Variants in ANKRD6 observed in about 807,000 individuals in gnomAD.
ANKRD6 encodes ankyrin repeat domain 6, also known as ankyrin repeat domain-containing protein 6.
A neutral mutation model predicts 82.3 loss-of-function variants in ANKRD6; 56 were observed. The ratio of observed to expected loss-of-function variants is 0.68; its 90% CI spans 0.55 to 0.85. The LOEUF is 0.85. ANKRD6 is among the 40% of genes least tolerant of loss of function. ANKRD6 has a pLI of 0.00. For synonymous variants in ANKRD6, 347 were observed against 352.1 expected (o/e 0.99, Z 0.16); for missense variants, 852 against 907.6 (o/e 0.94, Z 0.79).
At chr6:89,622,106 T>G (rs1803599525) in intron 10 of ANKRD6, 80 bp downstream of exon 10, 3 of 1,342,644 alleles carry the variant, frequency 2.2e-6, no homozygotes, top group South Asian at 2.7e-5. Flanking sequence ...TCGGCCAGGT[T>G]CACCTGGTGG....
chr6:89,624,608 G>A lies in ANKRD6; in HGVS notation c.1288G>A (p.Glu430Lys), dbSNP rs1307972535. 1 of 1,571,018 alleles carries A rather than the reference G, an allele frequency of 6.4e-7. No homozygotes were observed. The highest frequency in any genetic ancestry group is 1.2e-5 in the South Asian group (1 of 85,186). Residue 430 changes from glutamate (E) to lysine (K), a missense_variant, in exon 13 of 16, where the codon GAG becomes AAG. By Grantham distance (56) the Glu-to-Lys change is moderately conservative. Coordinates refer to ENST00000339746, the MANE Select transcript of ANKRD6 (RefSeq NM_001242809.2). ...GGAGAATCAGTTGGAGGCTACTGTG[G>A]AGGAGATAAAAGCAGAGCTGGGATC... ...KLENQLEATV[E>K]EIKAELGSVQ... is the part of the protein sequence containing the mutation.
At chr6:89,506,426 T>A (rs34238758) in intron 1 of ANKRD6, among the ~76,000 whole-genome samples, 2 of 152,206 alleles carry the variant, frequency 1.3e-5, no homozygotes. Context: ...GCTATTCTTC[T>A]GCTTCAGCCT....
intron 10 of ANKRD6, 21 bp downstream of exon 10, chr6:89,622,047 C>T (rs773864124): frequency 6.4e-5 from 103 of 1,605,132 alleles, no homozygotes; most frequent in Non-Finnish European, 8.0e-5. Context: ...GTCCTCCCGC[C>T]GTCCCCACAT....
intron 1 of ANKRD6, among the ~76,000 whole-genome samples, chr6:89,519,470 C>T (rs1289266457): frequency 1.3e-5 from 2 of 152,166 alleles, no homozygotes; most frequent in Admixed American, 6.5e-5. Context: ...ATTTCAAGAT[C>T]GATTCCAAGT....
rs145373427 is a variant in ANKRD6 at position 89,544,531 on chromosome 6, G to A, written c.-143-22303G>A. On this transcript the variant is annotated intron_variant, in intron 1 of 15. Transcript: ENST00000339746. ...AGATCGAGACCATCCTGGCTAGCAC[G>A]GTGAAACCCCATCGCTACTAATAAT... Among the ~76,000 whole-genome samples the A allele has an allele frequency of 6.2e-3, 939 of 152,122 alleles. 7 individuals are homozygous for A. The highest frequency in any genetic ancestry group is 6.4e-3 in the Non-Finnish European group (436 of 67,992).
intron 3 of ANKRD6, among the ~76,000 whole-genome samples, chr6:89,599,938 G>T (rs1438819100): frequency 6.6e-6 from 1 of 152,078 alleles, no homozygotes; most frequent in Non-Finnish European, 1.5e-5. Context: ...TCTCGGTGAG[G>T]TCTCTGTCTG....
Position 89,623,797 on chromosome 6 carries a change from C to T in ANKRD6, c.1033-75C>T, listed in dbSNP as rs565295659. On this transcript the variant is annotated intron_variant, in intron 11 of 15. Transcript: ENST00000339746. ...GGGGCTCTTTGCCCAAATGGGGTGA[C>T]ATGGGCGCCACCGACTGGTGTCAGT... 3 of 1,474,998 alleles carry T rather than the reference C, an allele frequency of 2.0e-6. No homozygotes were observed. The African/African-American group carries it at 4.2e-5, about 21-fold the overall frequency. The allele number at this position is 1,474,998 out of a possible 1,614,324, so 91.4% of individuals were successfully genotyped here.
chr6:89,560,311 A>G (rs1787208818), intron 1 of ANKRD6, among the ~76,000 whole-genome samples: 1 of 152,174 alleles, frequency 6.6e-6, no homozygotes, highest in Non-Finnish European at 1.5e-5. Flanking sequence ...TGGCTTGCAG[A>G]TGGGCTGTTT....
chr6:89,616,565 G>A lies in ANKRD6; in HGVS notation c.622G>A (p.Asp208Asn), dbSNP rs1238563005. 6.2e-7 allele frequency: 1 copy of A among 1,614,036 alleles called. No homozygotes were observed. Among genetic ancestry groups the A allele is most frequent in the Admixed American group, 1.7e-5 (1 of 60,028 alleles). Residue 208 changes from aspartate (D) to asparagine (N), a missense_variant, in exon 8 of 16, where the codon GAC becomes AAC. Physicochemically the swap from Asp to Asn is conservative, Grantham distance 23. Coordinates refer to ENST00000339746, the MANE Select transcript of ANKRD6 (RefSeq NM_001242809.2). The stretch of plus-strand genomic sequence containing the variant: ...ACCTTCTAATCAATTCCAGGCTGGA[G>A]ACACAGCACTTCACGTTGCTGCTGC... ...CSVHEKNQAG[D>N]TALHVAAALN...
intron 1 of ANKRD6, among the ~76,000 whole-genome samples, chr6:89,517,615 A>G (rs1224330102): frequency 6.6e-6 from 1 of 152,258 alleles, no homozygotes; most frequent in Non-Finnish European, 1.5e-5. Context: ...TTGGACCTAT[A>G]GTCCACATAG....
chr6:89,601,096 T>C (rs1315179955), intron 3 of ANKRD6, among the ~76,000 whole-genome samples: 1 of 152,160 alleles, frequency 6.6e-6, no homozygotes, highest in African/African-American at 2.4e-5. Context: ...AGTTTCCTTG[T>C]CTAGAACTGC....
At chr6:89,612,664 C>A (rs1175390105) in intron 6 of ANKRD6, among the ~76,000 whole-genome samples, 1 of 152,108 alleles carries the variant, frequency 6.6e-6, no homozygotes, top group Non-Finnish European at 1.5e-5. Context: ...ACTAGGAAAC[C>A]AGTTAATGTT....
chr6:89,551,033 C>A (rs1439928100), intron 1 of ANKRD6, among the ~76,000 whole-genome samples: 1 of 152,224 alleles, frequency 6.6e-6, no homozygotes, highest in Admixed American at 6.5e-5. Context: ...TTCCCTATCT[C>A]TAGTTCTAAA....
In ANKRD6 at chr6:89,532,699, A is replaced by AT. The variant is rs947152901; in HGVS notation, c.-143-34126dup. Reference sequence around the variant, plus strand: ...TGAAAGCTTACAAGATAGTAAATTGATTTTTTTTTCTTTTTTTTTTGAGAT... The same window carrying AT: ...TGAAAGCTTACAAGATAGTAAATTGATTTTTTTTTTCTTTTTTTTTTGAGAT... On this transcript the variant is annotated intron_variant, in intron 1 of 15. Transcript: ENST00000339746. Among the ~76,000 whole-genome samples the AT allele has an allele frequency of 7.3e-5, 11 of 150,598 alleles. No homozygotes were observed. The South Asian group carries it at 8.4e-4, about 12-fold the overall frequency.
chr6:89,490,061 T>C (rs1415734049), intron 1 of ANKRD6, among the ~76,000 whole-genome samples: 2 of 152,218 alleles, frequency 1.3e-5, no homozygotes, highest in African/African-American at 4.8e-5. Context: ...ACCTTTTATT[T>C]TTTCCAATGG....
chr6:89,616,462 T>C, intron 7 of ANKRD6, 97 bp from the exon 8 acceptor site: 1 of 1,126,316 alleles, frequency 8.9e-7, no homozygotes, highest in Non-Finnish European at 1.3e-6. Flanking sequence ...AAATCTCAGT[T>C]TGACTTTGAA....
At chr6:89,606,141 A>G in intron 5 of ANKRD6, 36 bp downstream of exon 5, 2 of 1,485,500 alleles carry the variant, frequency 1.3e-6, no homozygotes, top group Non-Finnish European at 1.8e-6. Flanking sequence ...CCTCATTCAC[A>G]GGTGAGGATG....
chr6:89,504,480 T>A (rs924330214), intron 1 of ANKRD6, among the ~76,000 whole-genome samples: 1 of 152,088 alleles, frequency 6.6e-6, no homozygotes, highest in Admixed American at 6.5e-5. Context: ...CATAGCTTAT[T>A]GCACCCTTGA....
At chr6:89,602,995 T>C (rs1308069187) in intron 3 of ANKRD6, 34 bp from the exon 4 acceptor site, 30 of 1,550,620 alleles carry the variant, frequency 1.9e-5, no homozygotes, top group Non-Finnish European at 2.6e-5. Context: ...GCAGGGGAGC[T>C]GACTGCTGTT....
Sources: allele counts gnomAD v4.1 joint callset (sites outside exome capture counted in the v4.1 genomes callset), GRCh38; gene constraint gnomAD v4.1.1; transcripts MANE v1.5; gene names NCBI Gene and HGNC (gene_info 2026-07-23, HGNC 2026-07-21).